Variants in SP4 observed in about 807,000 individuals in gnomAD.
SP4 encodes the protein Sp4 transcription factor.
In SP4, 19 loss-of-function variants were observed where a neutral mutation model predicts 72.8. The observed-to-expected ratio is 0.26, with a 90% CI of 0.18 to 0.38. The LOEUF is 0.38. SP4 is among the 10% of genes least tolerant of loss of function. SP4 has a pLI of 1.00. For synonymous variants in SP4, 395 were observed against 333.1 expected (o/e 1.19, Z -2.02); for missense variants, 1,008 against 926.3 (o/e 1.09, Z -1.14).
At chr7:21,468,964 G>A (rs1330198771) in intron 3 of SP4, among the ~76,000 whole-genome samples, 1 of 152,036 alleles carries the variant, frequency 6.6e-6, no homozygotes, top group African/African-American at 2.4e-5. Flanking sequence ...ATATACTCCT[G>A]TAATTTTATA....
chr7:21,491,829 A>G (rs1309743824), intron 5 of SP4, among the ~76,000 whole-genome samples: 8 of 152,238 alleles, frequency 5.3e-5, no homozygotes, highest in African/African-American at 7.2e-5. Context: ...TTCCAAAGGA[A>G]AACTAAGAGA....
chr7:21,449,677 C>G (rs28657649), intron 3 of SP4, among the ~76,000 whole-genome samples: 3,293 of 152,238 alleles, frequency 0.022, 124 homozygotes, highest in African/African-American at 0.074. Flanking sequence ...CTTTACAGAT[C>G]ATCTTTGGTT....
intron 3 of SP4, among the ~76,000 whole-genome samples, chr7:21,459,325 TAGCC>T (rs1258473254): frequency 6.6e-6 from 1 of 152,166 alleles, no homozygotes; most frequent in Non-Finnish European, 1.5e-5. Flanking sequence ...TTCACTGTGT[TAGCC>T]AGGCTGGTAT....
At chr7:21,454,867 G>A (rs1025413231) in intron 3 of SP4, among the ~76,000 whole-genome samples, 1 of 152,204 alleles carries the variant, frequency 6.6e-6, no homozygotes. Flanking sequence ...AAAAGGGTGT[G>A]AATCTTTTCT....
At chr7:21,504,504 G>A (rs565870096) in intron 5 of SP4, among the ~76,000 whole-genome samples, 9 of 152,152 alleles carry the variant, frequency 5.9e-5, no homozygotes, top group South Asian at 4.2e-4. Flanking sequence ...TCTCTCGTTC[G>A]TCACAACTCA....
chr7:21,464,253 C>T (rs1036486241), intron 3 of SP4, among the ~76,000 whole-genome samples: 2 of 151,482 alleles, frequency 1.3e-5, no homozygotes, highest in African/African-American at 2.4e-5. Context: ...CCCACCACCA[C>T]GCCCAGCTAA....
At chr7:21,499,493 A>G (rs7790804) in intron 5 of SP4, among the ~76,000 whole-genome samples, 35,294 of 152,086 alleles carry the variant, frequency 0.23, 4,299 homozygotes, top group Middle Eastern at 0.44. Flanking sequence ...GAAGCAGTGC[A>G]GCTACAAACC....
Position 21,514,754 on chromosome 7 carries a change from G to C in SP4, c.*3485G>C, listed in dbSNP as rs1782227647. ...CAAGTAACCTATTAAAAATTCCCTT[G>C]AGTTTAACATGTTTCATTTAATTAT... On this transcript the variant is annotated 3_prime_UTR_variant, in exon 6 of 6. Coordinates refer to ENST00000222584, the MANE Select transcript of SP4 (RefSeq NM_003112.5). 1 of 152,078 alleles carries C rather than the reference G, an allele frequency of 6.6e-6. No homozygotes were observed. Among genetic ancestry groups the C allele is most frequent in the Non-Finnish European group, 1.5e-5 (1 of 68,014 alleles). 9.4% of individuals were successfully genotyped at this position (152,078 alleles called of 1,614,324 possible). A position where few individuals can be genotyped will look rare whatever the true frequency, so the allele number is the denominator to read the frequency against.
intron 3 of SP4, among the ~76,000 whole-genome samples, chr7:21,450,862 A>T (rs886904684): frequency 6.6e-6 from 1 of 152,212 alleles, no homozygotes; most frequent in Non-Finnish European, 1.5e-5. Context: ...GGGAGAGACT[A>T]AGGCACGTTT....
At chr7:21,437,857 G>T (rs1413835099) in intron 3 of SP4, among the ~76,000 whole-genome samples, 2 of 152,154 alleles carry the variant, frequency 1.3e-5, no homozygotes, top group Admixed American at 6.5e-5. Flanking sequence ...TTTTAAATGG[G>T]ACATTGACAG....
At chr7:21,467,517 C>T (rs1343831011) in intron 3 of SP4, among the ~76,000 whole-genome samples, 2 of 152,080 alleles carry the variant, frequency 1.3e-5, no homozygotes, top group Admixed American at 6.5e-5. Context: ...CCCCATTTCT[C>T]CTTTCTATCC....
intron 3 of SP4, among the ~76,000 whole-genome samples, chr7:21,457,386 A>G (rs766402752): frequency 6.6e-5 from 10 of 152,204 alleles, no homozygotes; most frequent in Non-Finnish European, 1.2e-4. Context: ...CAATAGTGCT[A>G]TCATCTTCGC....
At chr7:21,444,116 G>T (rs1349641472) in intron 3 of SP4, among the ~76,000 whole-genome samples, 1 of 152,120 alleles carries the variant, frequency 6.6e-6, no homozygotes, top group African/African-American at 2.4e-5. Flanking sequence ...TCTATTACCT[G>T]TACTCCCTAC....
chr7:21,483,614 T>C (rs1439865032), intron 5 of SP4, among the ~76,000 whole-genome samples: 1 of 151,866 alleles, frequency 6.6e-6, no homozygotes, highest in Non-Finnish European at 1.5e-5. Context: ...CCATTCTGTC[T>C]CTATTGATTG....
At chr7:21,496,616 ACT>A (rs538319538) in intron 5 of SP4, among the ~76,000 whole-genome samples, 87 of 151,704 alleles carry the variant, frequency 5.7e-4, no homozygotes, top group African/African-American at 1.9e-3. Flanking sequence ...ACTCGATGTG[ACT>A]CTCTGCATTT....
chr7:21,428,554 G>A lies in SP4; in HGVS notation c.8-123G>A, dbSNP rs1583363972. ...TCCCCCACCCCCTGCCGGTGTGCGT[G>A]GATCGCGGGTTTATGGAGATTAATG... is the stretch of plus-strand genomic sequence containing the variant. On this transcript the variant is annotated intron_variant, in intron 1 of 5. Transcript: ENST00000222584. The A allele has an allele frequency of 6.7e-6, 7 of 1,037,336 alleles. No individual in the cohort carries two copies. The Middle Eastern group carries it at 1.9e-3, about 284-fold the overall frequency. The allele number at this position is 1,037,336 out of a possible 1,614,324, so 64.3% of individuals were successfully genotyped here.
chr7:21,453,771 C>T (rs946970720), intron 3 of SP4, among the ~76,000 whole-genome samples: 1 of 152,142 alleles, frequency 6.6e-6, no homozygotes, highest in Non-Finnish European at 1.5e-5. Context: ...CTGTGTTATG[C>T]TTTTATTCCA....
chr7:21,469,809 C>T (rs1784276257), intron 3 of SP4, among the ~76,000 whole-genome samples: 1 of 152,096 alleles, frequency 6.6e-6, no homozygotes, highest in Non-Finnish European at 1.5e-5. Flanking sequence ...ACCTCGGCCT[C>T]CCAAAGTGCT....
intron 5 of SP4, among the ~76,000 whole-genome samples, chr7:21,504,582 A>T (rs1311914354): frequency 5.3e-5 from 8 of 152,146 alleles, no homozygotes; most frequent in Admixed American, 2.0e-4. Context: ...TTGGTTTGTT[A>T]TTCTATGATA....
Sources: allele counts gnomAD v4.1 joint callset (sites outside exome capture counted in the v4.1 genomes callset), GRCh38; gene constraint gnomAD v4.1.1; transcripts MANE v1.5; gene names NCBI Gene and HGNC (gene_info 2026-07-23, HGNC 2026-07-21).